The following NID1 variants were observed in gnomAD, a reference collection of about 807,000 sequenced individuals.
NID1 encodes the protein nidogen-1.
NID1 carries 76 observed loss-of-function variants against 130.6 expected under a neutral mutation model. That is an observed-to-expected ratio of 0.58 (90% CI 0.48 to 0.70). The LOEUF is 0.70. Ranked by LOEUF, NID1 falls within the 30% of genes least tolerant of loss-of-function variation. The probability of loss-of-function intolerance (pLI) is 0.00; values close to 1 mark genes in which losing one functional copy is unlikely to be tolerated. For synonymous variants in NID1, 665 were observed against 675.1 expected (o/e 0.98, Z 0.23); for missense variants, 1,517 against 1,664.8 (o/e 0.91, Z 1.54).
At position 235,985,520 on chromosome 1, in the gene NID1, C is replaced by G; in HGVS notation, c.2929-15G>C. On this transcript the variant is annotated splice_polypyrimidine_tract_variant and intron_variant, in intron 14 of 19. Transcript: ENST00000264187. ...ATGACTTTAGCCTGGATGTGAAGAC[C>G]AGTGGTTAGAATGGTCCATCTACAA... 6.2e-7 allele frequency: 1 copy of G among 1,613,870 alleles called. No individual in the cohort carries two copies. The highest frequency in any genetic ancestry group is 1.7e-5 in the Admixed American group (1 of 60,014).
In NID1 at chr1:235,976,566, C is replaced by T. The variant is rs867857882; in HGVS notation, c.*1301G>A. On this transcript the variant is annotated 3_prime_UTR_variant, in exon 20 of 20. Transcript: ENST00000264187. ...CTCAAACTCCTTATGCTGAACTTTT[C>T]AATCCAAAATTTCTATTGTTTTAGG... 1 of 152,088 alleles carries T rather than the reference C, an allele frequency of 6.6e-6. No individual in the cohort carries two copies. The highest frequency in any genetic ancestry group is 1.5e-5 in the Non-Finnish European group (1 of 68,028). The allele number at this position is 152,088 out of a possible 1,614,324, so 9.4% of individuals were successfully genotyped here.
chr1:235,990,044 A>C (rs1383792147), intron 14 of NID1, among the ~76,000 whole-genome samples: 7 of 152,208 alleles, frequency 4.6e-5, no homozygotes, highest in Admixed American at 4.6e-4. Context: ...AAGGACATGA[A>C]TCTCATAAAG....
chr1:236,019,160 C>T (rs565081022), intron 9 of NID1, among the ~76,000 whole-genome samples: 1 of 152,380 alleles, frequency 6.6e-6, no homozygotes, highest in East Asian at 1.9e-4. Context: ...CCAAAGCAGG[C>T]TGTTATGCAA....
intron 1 of NID1, among the ~76,000 whole-genome samples, chr1:236,059,003 A>G (rs927195788): frequency 6.6e-6 from 1 of 152,228 alleles, no homozygotes; most frequent in Non-Finnish European, 1.5e-5. Context: ...GGCTCTTTTT[A>G]TCTTTTAAAA....
At chr1:236,024,301 G>T in intron 8 of NID1, 88 bp from the exon 9 acceptor site, 1 of 1,474,072 alleles carries the variant, frequency 6.8e-7, no homozygotes, top group Non-Finnish European at 9.2e-7. Context: ...CACAACTGGT[G>T]AGCAAGAAGG....
intron 4 of NID1, among the ~76,000 whole-genome samples, chr1:236,039,137 T>C (rs1301421964): frequency 7.0e-6 from 1 of 143,772 alleles, no homozygotes; most frequent in Non-Finnish European, 1.5e-5. Context: ...TAAAATACAA[T>C]ATATTACATT....
At chr1:236,023,165 AC>A (rs1490502912) in intron 9 of NID1, among the ~76,000 whole-genome samples, 3 of 152,172 alleles carry the variant, frequency 2.0e-5, no homozygotes, top group African/African-American at 7.2e-5. Flanking sequence ...ATATTTGCAT[AC>A]CCACGTTCAT....
intron 11 of NID1, 138 bp from the exon 12 acceptor site, chr1:236,012,181 A>G: frequency 1.0e-6 from 1 of 994,854 alleles, no homozygotes; most frequent in Non-Finnish European, 1.5e-6. Context: ...CTCACTAAAC[A>G]TTAACTATCA....
At chr1:235,981,357 A>G (rs1033147477) in intron 16 of NID1, among the ~76,000 whole-genome samples, 1 of 152,284 alleles carries the variant, frequency 6.6e-6, no homozygotes, top group Admixed American at 6.5e-5. Flanking sequence ...AAAATATCCA[A>G]TTTCTGAGCA....
At chr1:236,003,041 C>G (rs1658124820) in intron 12 of NID1, among the ~76,000 whole-genome samples, 1 of 151,950 alleles carries the variant, frequency 6.6e-6, no homozygotes, top group Admixed American at 6.6e-5. Flanking sequence ...CTGCTTCCTG[C>G]TGCTAGTTAT....
chr1:236,053,089 A>G (rs1426188435), intron 1 of NID1, among the ~76,000 whole-genome samples: 1 of 152,230 alleles, frequency 6.6e-6, no homozygotes, highest in Non-Finnish European at 1.5e-5. Flanking sequence ...CTTTGCAAAC[A>G]TTTCTTCCCT....
In NID1 at chr1:235,977,873, C is replaced by G. The variant is rs777229467; in HGVS notation, c.3738G>C (p.Gln1246His). ...DNTLGVDCIEQK is the reference protein window; with the variant it reads ...DNTLGVDCIEHK ...AAATAAGGCACTCTTGTCTTCATTT[C>G]TGTTCGATACAGTCAACTCCCAAGG... The change falls in exon 20 of 20, where the codon CAG becomes CAC. Residue 1246 changes from glutamine (Q) to histidine (H), a missense_variant. Around this residue, in one of 3 missense-constraint regions of NID1, gnomAD observed 181 missense variants for 211.3 expected, o/e 0.86. Coordinates refer to ENST00000264187, the MANE Select transcript of NID1 (RefSeq NM_002508.3). 6 of 1,613,860 alleles carry G rather than the reference C, an allele frequency of 3.7e-6. No individual in the cohort carries two copies. In the East Asian group the frequency reaches 1.1e-4, roughly 30 times the overall value.
chr1:236,057,308 G>C (rs184235138), intron 1 of NID1, among the ~76,000 whole-genome samples: 2 of 152,214 alleles, frequency 1.3e-5, no homozygotes, highest in African/African-American at 4.8e-5. Flanking sequence ...ATGAATGTTG[G>C]TGAGTAAAAG....
At chr1:235,987,065 A>T (rs891827564) in intron 14 of NID1, among the ~76,000 whole-genome samples, 1 of 152,244 alleles carries the variant, frequency 6.6e-6, no homozygotes, top group Admixed American at 6.5e-5. Context: ...AACATTTTAC[A>T]TGTGATTTGA....
In NID1 at chr1:235,979,061, C is replaced by T; in HGVS notation, c.3556G>A (p.Ala1186Thr). The T allele has an allele frequency of 6.2e-7, 1 of 1,614,120 alleles. No individual in the cohort carries two copies. The highest frequency in any genetic ancestry group is 8.5e-7 in the Non-Finnish European group (1 of 1,180,004). Residue 1186 changes from alanine (A) to threonine (T), a missense_variant, in exon 19 of 20, where the codon GCT (alanine) becomes ACT (threonine). Coordinates refer to ENST00000264187, the MANE Select transcript of NID1 (RefSeq NM_002508.3). This position sits in a 1 kb window ranked among gnomAD's most constrained non-coding sequence, Gnocchi z 4.6. ...LDLAISKETD[A>T]FQPHKQTRLY... ...CGGGTCTGCTTGTGGGGTTGGAAAG[C>T]ATCCGTCTCCTTGGAAATTGCAAGA...
rs201261106 is a variant in NID1, at chr1:236,045,206, CAAAAAAAA to C, written c.752+243_752+250del. 0.5 allele frequency among the ~76,000 whole-genome samples: 44,386 copies of C among 88,924 alleles called. 6,952 individuals carry two copies. Among genetic ancestry groups the C allele is most frequent in the East Asian group, 0.66 (2,281 of 3,464 alleles). 58.3% of individuals were successfully genotyped at this position (88,924 alleles called of 152,430 possible). The stretch of plus-strand genomic sequence containing the variant: ...TGGGCAACAGAGTAAGGCTCTGTCT[CAAAAAAAA>C]AAAAAAAAAAAAAAAAAAGAACTAT... On this transcript the variant is annotated intron_variant, in intron 3 of 19. Coordinates refer to ENST00000264187, the MANE Select transcript of NID1 (RefSeq NM_002508.3).
Position 236,029,481 on chromosome 1 carries a change from C to T in NID1, c.1738+69G>A, listed in dbSNP as rs1026365801. ...AGAGACAGCCCCAGTTCACGGCTGC[C>T]GTGGTGGGTCAAGAGCACGAGGCTA... On this transcript the variant is annotated intron_variant, in intron 7 of 19. Transcript: ENST00000264187. The T allele has an allele frequency of 3.5e-5, 51 of 1,457,492 alleles. No individual in the cohort carries two copies. The Middle Eastern group carries it at 6.9e-4, about 20-fold the overall frequency. 90.3% of individuals were successfully genotyped at this position (1,457,492 alleles called of 1,614,324 possible).
chr1:236,033,294 C>T (rs955619298), intron 5 of NID1, among the ~76,000 whole-genome samples: 10 of 151,818 alleles, frequency 6.6e-5, no homozygotes, highest in Admixed American at 4.6e-4. Flanking sequence ...GGTGACAGAG[C>T]GAGACTGTCT....
chr1:236,019,350 G>C (rs1381053419), intron 9 of NID1, among the ~76,000 whole-genome samples: 3 of 152,244 alleles, frequency 2.0e-5, no homozygotes, highest in Non-Finnish European at 4.4e-5. Context: ...TGTACATATT[G>C]CAGGGCTCAG....
Sources: gnomAD v4.1 joint callset for allele counts (sites outside exome capture counted in the v4.1 genomes callset) on GRCh38, gnomAD v4.1.1 for gene constraint, gnomAD v4.1.1 regional missense constraint, Gnocchi (gnomAD v3.1) non-coding constraint, MANE v1.5 for transcripts, NCBI Gene and HGNC (gene_info 2026-07-23, HGNC 2026-07-21) for gene names.